Variants in CNIH3 observed in about 807,000 individuals in gnomAD.
CNIH3 encodes protein cornichon homolog 3.
Under a neutral mutation model 24.1 loss-of-function variants are expected in CNIH3, and 14 were observed. That is an observed-to-expected ratio of 0.58 (90% CI 0.38 to 0.91). CNIH3 has a LOEUF of 0.91. CNIH3 is among the 40% of genes least tolerant of loss of function. The probability of loss-of-function intolerance (pLI) is 0.00; values close to 1 mark genes in which losing one functional copy is unlikely to be tolerated. For synonymous variants in CNIH3, 68 were observed against 73.8 expected (o/e 0.92, Z 0.40); for missense variants, 178 against 196.8 (o/e 0.90, Z 0.57).
chr1:224,590,687 C>A (rs368263014), downstream of CNIH3, among the ~76,000 whole-genome samples: 9 of 152,264 alleles, frequency 5.9e-5, no homozygotes, highest in South Asian at 2.1e-4. Flanking sequence ...AAACACCCCC[C>A]CTTAGGTCTC....
At chr1:224,525,212 C>T (rs569641172) in intron 2 of CNIH3, among the ~76,000 whole-genome samples, 11 of 152,290 alleles carry the variant, frequency 7.2e-5, no homozygotes, top group East Asian at 1.9e-4. Flanking sequence ...CTTATAATTG[C>T]GACCAGCTAT....
intron 3 of CNIH3, among the ~76,000 whole-genome samples, chr1:224,597,100 C>T (rs977225790): frequency 4.0e-5 from 6 of 151,860 alleles, no homozygotes; most frequent in South Asian, 4.2e-4. Flanking sequence ...TGCAGTGAGC[C>T]GAGACTGCAC....
At chr1:224,456,606 G>A (rs1414444924) in intron 1 of CNIH3, among the ~76,000 whole-genome samples, 2 of 152,070 alleles carry the variant, frequency 1.3e-5, no homozygotes, top group Admixed American at 6.5e-5. Context: ...AGATAGGATT[G>A]TACCGTGTTG....
chr1:224,478,920 C>CCT lies in CNIH3; in HGVS notation n.204-36820_204-36819insTC, dbSNP rs560652589. Reference sequence around the variant, plus strand: ...GCAGAAAAACTCCCCCTTATAATAACCATCAGATCTGGTGAGACTTACTGT... The same window carrying CCT: ...GCAGAAAAACTCCCCCTTATAATAACCTCATCAGATCTGGTGAGACTTACTGT... On this transcript the variant is annotated intron_variant and non_coding_transcript_variant, in intron 1 of 5. Transcript: ENST00000471578. 5.9e-5 allele frequency among the ~76,000 whole-genome samples: 9 copies of CCT among 152,212 alleles called. No individual in the cohort carries two copies. In the South Asian group the frequency reaches 1.9e-3, roughly 32 times the overall value.
chr1:224,544,314 GT>G (rs1467364588), intron 2 of CNIH3, among the ~76,000 whole-genome samples: 1 of 152,190 alleles, frequency 6.6e-6, no homozygotes, highest in Non-Finnish European at 1.5e-5. Context: ...GCAGTCAGCA[GT>G]GATAATTTAA....
intron 3 of CNIH3, among the ~76,000 whole-genome samples, chr1:224,687,258 G>A (rs994079321): frequency 6.6e-6 from 1 of 152,064 alleles, no homozygotes; most frequent in African/African-American, 2.4e-5. Flanking sequence ...TTTGAGATAG[G>A]GTCTTCTCTG....
intron 3 of CNIH3, among the ~76,000 whole-genome samples, chr1:224,688,778 A>T (rs1359353317): frequency 6.6e-6 from 1 of 151,290 alleles, no homozygotes; most frequent in Non-Finnish European, 1.5e-5. Flanking sequence ...CCCACAAATT[A>T]GTCGGGCGTG....
rs549167547 is a variant in CNIH3, at chr1:224,657,197, G to A, written c.82-23761G>A. The stretch of plus-strand genomic sequence containing the variant: ...AGGATACCTATAGCCAACTCTTATA[G>A]CCAATTAAACATTCTAGGCCAGACA... On this transcript the variant is annotated intron_variant, in intron 1 of 5. Coordinates refer to ENST00000272133, the MANE Select transcript of CNIH3 (RefSeq NM_152495.2). Among the ~76,000 whole-genome samples, 3 of 152,188 alleles carry A rather than the reference G, an allele frequency of 2.0e-5. No homozygotes were observed. In the East Asian group the frequency reaches 5.8e-4, roughly 29 times the overall value.
chr1:224,606,087 G>A lies in CNIH3; in HGVS notation n.402+39823G>A, dbSNP rs190544094. 1.4e-3 allele frequency among the ~76,000 whole-genome samples: 210 copies of A among 152,220 alleles called. 2 individuals carry two copies. Among genetic ancestry groups the A allele is most frequent in the Admixed American group, 0.013 (201 of 15,294 alleles). ...GCCGGGATGAGTGCTTCTGGGTGCCGGCAGGAGTAAACACTGTGTGGTCTC... is the reference window on the plus strand; with the variant it reads ...GCCGGGATGAGTGCTTCTGGGTGCCAGCAGGAGTAAACACTGTGTGGTCTC... On this transcript the variant is annotated intron_variant and non_coding_transcript_variant, in intron 3 of 7. Coordinates refer to the CNIH3 transcript ENST00000478120.
At chr1:224,492,583 T>C (rs1044531782) in intron 1 of CNIH3, among the ~76,000 whole-genome samples, 1 of 152,248 alleles carries the variant, frequency 6.6e-6, no homozygotes, top group Admixed American at 6.5e-5. Flanking sequence ...ATATTCTACA[T>C]AATCATTATT....
At chr1:224,739,307 T>TC in intron 5 of CNIH3, 22 bp from the exon 6 acceptor site, 1 of 1,519,698 alleles carries the variant, frequency 6.6e-7, no homozygotes, top group East Asian at 2.5e-5. Context: ...TTTTTTTTTT[T>TC]TTTTTTTTTT....
intron 1 of CNIH3, among the ~76,000 whole-genome samples, chr1:224,673,688 T>A (rs1244464203): frequency 1.3e-5 from 2 of 152,226 alleles, no homozygotes; most frequent in African/African-American, 4.8e-5. Context: ...TTGTGAATTA[T>A]CTCTTCTGCC....
chr1:224,636,885 CATCT>C (rs920479610), intron 1 of CNIH3, among the ~76,000 whole-genome samples: 13 of 151,688 alleles, frequency 8.6e-5, no homozygotes, highest in Non-Finnish European at 1.0e-4. Flanking sequence ...ATTTATCTAT[CATCT>C]ATCTATCTAC....
At chr1:224,623,542 G>T (rs1479096648) in intron 1 of CNIH3, among the ~76,000 whole-genome samples, 1 of 151,936 alleles carries the variant, frequency 6.6e-6, no homozygotes, top group Non-Finnish European at 1.5e-5. Flanking sequence ...GTAGATTGTT[G>T]TCATTTTCTC....
intron 2 of CNIH3, among the ~76,000 whole-genome samples, chr1:224,531,917 A>G (rs1362622350): frequency 1.3e-5 from 2 of 152,188 alleles, no homozygotes; most frequent in African/African-American, 4.8e-5. Context: ...CTCTATAAAC[A>G]TTTATTGCTC....
At chr1:224,570,495 AT>A (rs1329669521) in intron 4 of CNIH3, among the ~76,000 whole-genome samples, 1 of 152,158 alleles carries the variant, frequency 6.6e-6, no homozygotes, top group Admixed American at 6.5e-5. Context: ...AAAGGACATG[AT>A]TTTGTTCTTT....
chr1:224,739,153 A>G (rs1055031350), intron 5 of CNIH3, among the ~76,000 whole-genome samples, 176 bp from the exon 6 acceptor site: 1 of 152,094 alleles, frequency 6.6e-6, no homozygotes, highest in Non-Finnish European at 1.5e-5. Context: ...TGTTGTGGGA[A>G]GTAGAAGGGG....
At chr1:224,638,956 C>T (rs1339856201) in intron 1 of CNIH3, among the ~76,000 whole-genome samples, 1 of 152,148 alleles carries the variant, frequency 6.6e-6, no homozygotes, top group Admixed American at 6.5e-5. Flanking sequence ...TGCTTCTTAC[C>T]TGCCAGTTTC....
At chr1:224,699,517 C>T (rs1420369913) in intron 3 of CNIH3, among the ~76,000 whole-genome samples, 1 of 152,172 alleles carries the variant, frequency 6.6e-6, no homozygotes, top group Non-Finnish European at 1.5e-5. Context: ...TCTGAGGGTT[C>T]TCTGCTTGGC....
Sources: gnomAD v4.1 joint callset for allele counts (sites outside exome capture counted in the v4.1 genomes callset) on GRCh38, gnomAD v4.1.1 for gene constraint, MANE v1.5 for transcripts, NCBI Gene and HGNC (gene_info 2026-07-23, HGNC 2026-07-21) for gene names.